EFCAB6: variants seen among roughly 807,000 people sequenced by gnomAD.
The protein encoded by EFCAB6 is EF-hand calcium-binding domain-containing protein 6.
Under a neutral mutation model 169.8 loss-of-function variants are expected in EFCAB6, and 156 were observed. The observed-to-expected ratio is 0.92, with a 90% confidence interval of 0.81 to 1.05. EFCAB6 has a LOEUF of 1.05. Ranked by LOEUF, EFCAB6 falls within the 50% of genes least tolerant of loss-of-function variation. The probability of loss-of-function intolerance (pLI) is 0.00; values close to 1 mark genes in which losing one functional copy is unlikely to be tolerated. For missense variants in EFCAB6, 1,800 were observed against 1,829.1 expected, an observed-to-expected ratio of 0.98 and a Z score of 0.29; for synonymous variants, 698 against 676.4, an observed-to-expected ratio of 1.03 and a Z score of -0.50.
At chr22:43,543,397 C>T (rs1034125352) in intron 27 of EFCAB6, among the ~76,000 whole-genome samples, 4 of 152,168 alleles carry the variant, frequency 2.6e-5, no homozygotes, top group African/African-American at 7.2e-5. Context: ...CCTGCAAGCC[C>T]GAGGTGAGAG....
At chr22:43,599,509 C>CAAAAAAAAAAAAAAAAAA (rs58130994) in intron 23 of EFCAB6, among the ~76,000 whole-genome samples, 4 of 44,244 alleles carry the variant, frequency 9.0e-5, no homozygotes, top group African/African-American at 9.0e-5. Flanking sequence ...GATTCCATCT[C>CAAAAAAAAAAAAAAAAAA]AAAAAAAAAA....
chr22:43,797,983 T>C (rs751511834), intron 2 of EFCAB6, among the ~76,000 whole-genome samples: 5 of 152,208 alleles, frequency 3.3e-5, no homozygotes, highest in Non-Finnish European at 7.4e-5. Context: ...CAATCAATGG[T>C]TCTCACACTT....
At chr22:43,597,498 T>C (rs2052106694) in intron 23 of EFCAB6, among the ~76,000 whole-genome samples, 1 of 152,146 alleles carries the variant, frequency 6.6e-6, no homozygotes, top group Non-Finnish European at 1.5e-5. Context: ...TGAAAAATGC[T>C]CAAGGTCACT....
chr22:43,543,064 C>G (rs1465544111), intron 27 of EFCAB6, among the ~76,000 whole-genome samples: 2 of 152,122 alleles, frequency 1.3e-5, no homozygotes, highest in Non-Finnish European at 2.9e-5. Context: ...CAGGGACAAG[C>G]CAGGCAACCT....
intron 18 of EFCAB6, among the ~76,000 whole-genome samples, chr22:43,634,828 T>C (rs1478422562): frequency 6.6e-6 from 1 of 152,172 alleles, no homozygotes; most frequent in Non-Finnish European, 1.5e-5. Context: ...CCGTGAGGTG[T>C]GATTGAAGAA....
chr22:43,601,081 G>C (rs1468994212), intron 22 of EFCAB6, among the ~76,000 whole-genome samples: 12 of 152,214 alleles, frequency 7.9e-5, no homozygotes, highest in Non-Finnish European at 5.9e-5. Context: ...AATGTCACTT[G>C]ATTCAAAGAT....
intron 17 of EFCAB6, among the ~76,000 whole-genome samples, chr22:43,643,748 G>A (rs1602887839): frequency 6.6e-6 from 1 of 152,230 alleles, no homozygotes; most frequent in East Asian, 1.9e-4. Flanking sequence ...GTCTACAGCA[G>A]GGATAGGGTG....
chr22:43,703,367 G>T (rs2058835910), intron 10 of EFCAB6, among the ~76,000 whole-genome samples: 1 of 152,146 alleles, frequency 6.6e-6, no homozygotes, highest in Admixed American at 6.5e-5. Flanking sequence ...ATCTATTTCT[G>T]CCAAAGAACA....
intron 2 of EFCAB6, among the ~76,000 whole-genome samples, chr22:43,784,718 C>T (rs56865427): frequency 0.06 from 6,730 of 112,060 alleles, 301 homozygotes; most frequent in Non-Finnish European, 0.073. Flanking sequence ...CACACACACA[C>T]ATATATATAT....
chr22:43,750,844 A>G (rs1447936472), intron 6 of EFCAB6, among the ~76,000 whole-genome samples: 1 of 152,200 alleles, frequency 6.6e-6, no homozygotes, highest in African/African-American at 2.4e-5. Flanking sequence ...TCTCTTCTTC[A>G]TGAGGATATT....
intron 17 of EFCAB6, among the ~76,000 whole-genome samples, chr22:43,664,040 A>G (rs137761): frequency 0.47 from 71,046 of 152,100 alleles, 17,039 homozygotes; most frequent in East Asian, 0.64. Flanking sequence ...GGAGGTCTCC[A>G]AGAAGCCCGC....
chr22:43,711,498 T>A lies in EFCAB6; in HGVS notation c.1008A>T (p.Arg336Ser). The A allele has an allele frequency of 1.3e-6, 2 of 1,582,602 alleles. No individual in the cohort carries two copies. Among genetic ancestry groups the A allele is most frequent in the Non-Finnish European group, 1.7e-6 (2 of 1,171,730 alleles). ...ACCTTTTCATTAACTGGATAAAAATTCTTCTTGGTATTTGGTATACAAAAG... is the reference window on the plus strand; with the variant it reads ...ACCTTTTCATTAACTGGATAAAAATACTTCTTGGTATTTGGTATACAAAAG... ...LDTFVYQIPR[R>S]IFIQLMKRFG... Residue 336 changes from arginine to serine, a missense_variant, in exon 10 of 32, where the codon AGA becomes AGT. Transcript: ENST00000262726.
At chr22:43,673,557 C>A (rs2057587542) in intron 13 of EFCAB6, among the ~76,000 whole-genome samples, 1 of 152,166 alleles carries the variant, frequency 6.6e-6, no homozygotes. Context: ...GGGCGGAACA[C>A]CTGAGGTCAG....
intron 28 of EFCAB6, among the ~76,000 whole-genome samples, chr22:43,538,899 C>A (rs894348696): frequency 1.3e-5 from 2 of 152,270 alleles, no homozygotes; most frequent in Admixed American, 6.5e-5. Flanking sequence ...AAAGTCTGAA[C>A]TGGGTCTCAT....
intron 21 of EFCAB6, among the ~76,000 whole-genome samples, chr22:43,611,890 A>G (rs902067192): frequency 4.6e-5 from 7 of 152,244 alleles, no homozygotes; most frequent in Non-Finnish European, 1.0e-4. Context: ...AGCTAGAGGC[A>G]TCAAGTTACC....
intron 23 of EFCAB6, among the ~76,000 whole-genome samples, chr22:43,591,139 T>C (rs1404159501): frequency 6.8e-5 from 10 of 147,060 alleles, no homozygotes; most frequent in African/African-American, 2.3e-4. Flanking sequence ...TTTTTTGTTT[T>C]TTTTACCAGG....
intron 17 of EFCAB6, among the ~76,000 whole-genome samples, chr22:43,641,321 T>C (rs1305085926): frequency 3.3e-5 from 5 of 152,142 alleles, no homozygotes; most frequent in Admixed American, 3.3e-4. Flanking sequence ...GTTGGAATAT[T>C]AAGAATACTG....
chr22:43,784,665 A>ACATACATGTGTATATG (rs1222270497), intron 2 of EFCAB6, among the ~76,000 whole-genome samples: 1 of 74,212 alleles, frequency 1.3e-5, no homozygotes, highest in Non-Finnish European at 2.5e-5. Context: ...GTATATATAC[A>ACATACATGTGTATATG]TATACATATA....
chr22:43,772,183 T>C (rs369909772), intron 4 of EFCAB6, among the ~76,000 whole-genome samples: 1 of 152,180 alleles, frequency 6.6e-6, no homozygotes, highest in African/African-American at 2.4e-5. Context: ...TGGGAGCTCC[T>C]CAAGGGCAGG....
Sources: allele counts gnomAD v4.1 joint callset (sites outside exome capture counted in the v4.1 genomes callset), GRCh38; gene constraint gnomAD v4.1.1; transcripts MANE v1.5; gene names NCBI Gene and HGNC (gene_info 2026-07-23, HGNC 2026-07-21).